Variants in GOLGA3 observed in about 807,000 individuals in gnomAD.
The protein encoded by GOLGA3 is golgin A3, also known as golgin subfamily A member 3.
A neutral mutation model predicts 169.4 loss-of-function variants in GOLGA3; 75 were observed. The ratio of observed to expected loss-of-function variants is 0.44; its 90% CI spans 0.37 to 0.54. The LOEUF is 0.54. GOLGA3 is among the 20% of genes least tolerant of loss of function. The pLI, the probability that GOLGA3 is intolerant of heterozygous loss-of-function variation, is 0.00. For missense variants in GOLGA3, 1,899 were observed against 1,930.0 expected (o/e 0.98, Z 0.30); for synonymous variants, 824 against 822.4 (o/e 1.00, Z -0.03).
chr12:132,822,052 G>T lies in GOLGA3; in HGVS notation c.77C>A (p.Ala26Asp). The T allele has an allele frequency of 6.2e-7, 1 of 1,606,862 alleles. No individual in the cohort carries two copies. Among genetic ancestry groups the T allele is most frequent in the South Asian group, 1.1e-5 (1 of 90,378 alleles). ...SHSGPSSLPE[A>D]PLKPPGPLVP... ...CAGTGGGCCCGGGGGCTTCAGTGGG[G>T]CCTCGGGGAGAGACGAGGGGCCACT... The change falls in exon 2 of 24, where the codon GCC (alanine) becomes GAC (aspartate). Residue 26 changes from alanine to aspartate, a missense_variant. Ala to Asp is a moderately radical substitution (Grantham distance 126). Coordinates refer to ENST00000450791, the MANE Select transcript of GOLGA3 (RefSeq NM_001389683.1).
At chr12:132,802,008 G>A (rs759438421) in intron 7 of GOLGA3, 39 bp from the exon 8 acceptor site, 3 of 1,539,582 alleles carry the variant, frequency 1.9e-6, no homozygotes, top group East Asian at 4.6e-5. Context: ...GCCAGCGACG[G>A]CCAACGGGGG....
At position 132,777,471 on chromosome 12, in the gene GOLGA3, G is replaced by C. The variant is rs370641767; in HGVS notation, c.3722+195C>G. On this transcript the variant is annotated intron_variant, in intron 19 of 23. Transcript: ENST00000450791. This position sits in a 1 kb window ranked among gnomAD's most constrained non-coding sequence, Gnocchi z 4.7. The stretch of plus-strand genomic sequence containing the variant: ...CCTGCTGGGGCGCTTTCTCTCTTGG[G>C]GGGAGGACACGGGGCAGTGAGTGAG... Among the ~76,000 whole-genome samples the C allele has an allele frequency of 1.3e-5, 2 of 152,204 alleles. No homozygotes were observed. Among genetic ancestry groups the C allele is most frequent in the Non-Finnish European group, 2.9e-5 (2 of 68,034 alleles).
intron 17 of GOLGA3, among the ~76,000 whole-genome samples, chr12:132,781,905 C>T (rs929609939): frequency 6.6e-6 from 1 of 152,154 alleles, no homozygotes; most frequent in Admixed American, 6.6e-5. Context: ...GGAAGGTCTA[C>T]CCCTCAACTA....
chr12:132,816,958 G>C (rs1322125325), intron 2 of GOLGA3, 146 bp from the exon 3 acceptor site: 2 of 812,878 alleles, frequency 2.5e-6, no homozygotes, highest in African/African-American at 3.5e-5. Flanking sequence ...ACTCTGAGAG[G>C]AGCAGCCCAT....
In GOLGA3 at chr12:132,777,536, C is replaced by T. The variant is rs910616667; in HGVS notation, c.3722+130G>A. On this transcript the variant is annotated intron_variant, in intron 19 of 23. Transcript: ENST00000450791. This position sits in a 1 kb window ranked among gnomAD's most constrained non-coding sequence, Gnocchi z 4.7. The stretch of plus-strand genomic sequence containing the variant: ...AGACGGAGGCTGGGTGCCTTCTACT[C>T]CTATGATTCACTCAAGTACTCGGCA... The T allele has an allele frequency of 1.7e-5, 17 of 986,178 alleles. 1 individual carries two copies. The Admixed American group carries it at 3.3e-4, about 19-fold the overall frequency. The allele number at this position is 986,178 out of a possible 1,614,324, so 61.1% of individuals were successfully genotyped here.
chr12:132,773,714 G>A (rs945684178), intron 23 of GOLGA3, among the ~76,000 whole-genome samples: 1 of 152,090 alleles, frequency 6.6e-6, no homozygotes, highest in African/African-American at 2.4e-5. Context: ...CTGTGTGTGC[G>A]AGTTCCCCCA....
chr12:132,804,348 A>G lies in GOLGA3; in HGVS notation c.1597+368T>C, dbSNP rs1949278175. Among the ~76,000 whole-genome samples the G allele has an allele frequency of 6.6e-6, 1 of 152,228 alleles. No homozygotes were observed. Among genetic ancestry groups the G allele is most frequent in the South Asian group, 2.1e-4 (1 of 4,834 alleles). ...AAGGTCAATCTCCAAGACCTAATTC[A>G]TTCCCCTGGATGTGCACACAAAAAT... On this transcript the variant is annotated intron_variant, in intron 7 of 23. Transcript: ENST00000450791. This position sits in a 1 kb window ranked among gnomAD's most constrained non-coding sequence, Gnocchi z 4.1.
chr12:132,774,511 C>T (rs907656120), intron 22 of GOLGA3, 191 bp from the exon 23 acceptor site: 22 of 622,936 alleles, frequency 3.5e-5, no homozygotes, highest in East Asian at 1.4e-4. Flanking sequence ...TGAGGAAACA[C>T]CTTTATTCCT....
intron 12 of GOLGA3, among the ~76,000 whole-genome samples, chr12:132,790,548 CTA>C (rs1163001924): frequency 6.6e-6 from 1 of 152,126 alleles, no homozygotes; most frequent in African/African-American, 2.4e-5. Context: ...TGCTGGAACT[CTA>C]TGTGCATTTT....
intron 8 of GOLGA3, among the ~76,000 whole-genome samples, chr12:132,798,919 C>T (rs1419167652): frequency 1.3e-5 from 2 of 152,362 alleles, no homozygotes; most frequent in South Asian, 2.1e-4. Flanking sequence ...ACAGCCTTTT[C>T]AGCCAGCTAG....
chr12:132,773,281 T>C lies in GOLGA3; in HGVS notation c.4321A>G (p.Ser1441Gly). The C allele has an allele frequency of 7.0e-7, 1 of 1,429,494 alleles. No homozygotes were observed. The highest frequency in any genetic ancestry group is 9.3e-7 in the Non-Finnish European group (1 of 1,078,870). 88.6% of individuals were successfully genotyped at this position (1,429,494 alleles called of 1,614,324 possible). Residue 1441 changes from serine (S) to glycine (G), a missense_variant, in exon 24 of 24, where the codon AGC (serine) becomes GGC (glycine). Transcript: ENST00000450791. Reference sequence around the variant, plus strand: ...TGCTCCTCCATCTGGCGCTGCAGGCTGTCCATCTCCTGCCTGGGACAGAAG... The same window carrying C: ...TGCTCCTCCATCTGGCGCTGCAGGCCGTCCATCTCCTGCCTGGGACAGAAG... ...CLQQLKQEMD[S>G]LQRQMEEHAL...
chr12:132,772,890 T>C lies in GOLGA3; in HGVS notation c.*215A>G. The C allele has an allele frequency of 2.0e-6, 1 of 496,146 alleles. No homozygotes were observed. Among genetic ancestry groups the C allele is most frequent in the South Asian group, 2.7e-5 (1 of 36,514 alleles). 30.7% of individuals were successfully genotyped at this position (496,146 alleles called of 1,614,324 possible). A position where few individuals can be genotyped will look rare whatever the true frequency, so the allele number is the denominator to read the frequency against. The stretch of plus-strand genomic sequence containing the variant: ...GCTCCTCGCCGAGAGCCTATCAGGC[T>C]TTTAAGAGTTGGTCATTCCATGTGA... On this transcript the variant is annotated 3_prime_UTR_variant, in exon 24 of 24. Coordinates refer to ENST00000450791, the MANE Select transcript of GOLGA3 (RefSeq NM_001389683.1).
At position 132,796,670 on chromosome 12, in the gene GOLGA3, T is replaced by C. The variant is rs148484758; in HGVS notation, c.1969A>G (p.Met657Val). The C allele has an allele frequency of 4.3e-6, 7 of 1,613,990 alleles. No homozygotes were observed. The African/African-American group carries it at 8.0e-5, about 18-fold the overall frequency. ...ATCGTCTTTGCCTCCTGAATCTGCA[T>C]GAAGGCTGCTTCCTGATCCAACATG... The part of the protein sequence containing the change: ...ADMLDQEAAF[M>V]QIQEAKTMVE... The change falls in exon 10 of 24, where the codon ATG (methionine) becomes GTG (valine). Residue 657 changes from methionine to valine, a missense_variant. Transcript: ENST00000450791.
chr12:132,777,572 T>C lies in GOLGA3; in HGVS notation c.3722+94A>G, dbSNP rs2045316259. 1 of 1,422,892 alleles carries C rather than the reference T, an allele frequency of 7.0e-7. No homozygotes were observed. Among genetic ancestry groups the C allele is most frequent in the South Asian group, 1.3e-5 (1 of 78,120 alleles). 88.1% of individuals were successfully genotyped at this position (1,422,892 alleles called of 1,614,324 possible). On this transcript the variant is annotated intron_variant, in intron 19 of 23. Transcript: ENST00000450791. The surrounding 1 kb of genome is among the most constrained non-coding windows in gnomAD (Gnocchi z 4.7). ...CTCAAGTACTCGGCAATTTGCAAAA[T>C]ATAGATGACCCTCGCTGTGCTGAAG... is the stretch of plus-strand genomic sequence containing the variant.
chr12:132,791,118 C>T, intron 12 of GOLGA3, 98 bp downstream of exon 12: 2 of 329,172 alleles, frequency 6.1e-6, no homozygotes, highest in Middle Eastern at 1.1e-3. Context: ...TTACCTTCTT[C>T]TCAACTTCAA....
At chr12:132,814,491 A>G (rs1043927678) in intron 3 of GOLGA3, among the ~76,000 whole-genome samples, 1 of 152,210 alleles carries the variant, frequency 6.6e-6, no homozygotes, top group Non-Finnish European at 1.5e-5. Context: ...AGTTACAGGC[A>G]GTACCCAGCC....
intron 17 of GOLGA3, 71 bp downstream of exon 17, chr12:132,782,225 G>C: frequency 7.5e-7 from 1 of 1,325,082 alleles, no homozygotes; most frequent in Non-Finnish European, 1.1e-6. Context: ...ATCTGGATGA[G>C]ATTCTCGGAG....
chr12:132,800,374 A>T (rs1487503085), intron 8 of GOLGA3, among the ~76,000 whole-genome samples: 1 of 152,088 alleles, frequency 6.6e-6, no homozygotes, highest in Non-Finnish European at 1.5e-5. Flanking sequence ...GGCGCCTGTA[A>T]TCCCAGCTAC....
intron 1 of GOLGA3, among the ~76,000 whole-genome samples, chr12:132,824,956 A>G (rs1056262205): frequency 9.9e-5 from 15 of 152,160 alleles, no homozygotes; most frequent in African/African-American, 3.4e-4. Flanking sequence ...CAAGGGGAGG[A>G]GCATCAGCAA....
Sources: allele counts gnomAD v4.1 joint callset (sites outside exome capture counted in the v4.1 genomes callset), GRCh38; gene constraint gnomAD v4.1.1; non-coding constraint Gnocchi (gnomAD v3.1); transcripts MANE v1.5; gene names NCBI Gene and HGNC (gene_info 2026-07-23, HGNC 2026-07-21).